ATP6V0A1: variants seen among roughly 807,000 people sequenced by gnomAD.
ATP6V0A1 encodes the protein V-type proton ATPase 116 kDa subunit a 1.
ATP6V0A1 carries 43 observed loss-of-function variants against 105.4 expected under a neutral mutation model. The ratio of observed to expected loss-of-function variants is 0.41; its 90% CI spans 0.32 to 0.53. The LOEUF is 0.53. Among genes scored for constraint, ATP6V0A1 ranks in the 20% least tolerant of loss-of-function variants. The probability of loss-of-function intolerance (pLI) is 0.30; values close to 1 mark genes in which losing one functional copy is unlikely to be tolerated. For missense variants in ATP6V0A1, 676 were observed against 1,051.1 expected, an observed-to-expected ratio of 0.64 and a Z score of 4.93; for synonymous variants, 362 against 372.8, an observed-to-expected ratio of 0.97 and a Z score of 0.33.
intron 1 of ATP6V0A1, chr17:42,460,262 G>C (rs1265986596): frequency 1.3e-5 from 2 of 152,224 alleles, no homozygotes; most frequent in African/African-American, 4.8e-5. Flanking sequence ...CCAGATGACG[G>C]TTATTTGTTT....
At chr17:42,495,746 C>T in intron 14 of ATP6V0A1, 30 bp downstream of exon 14, 1 of 1,560,564 alleles carries the variant, frequency 6.4e-7, no homozygotes, top group Non-Finnish European at 8.8e-7. Context: ...ATATGCTAAC[C>T]TCAAATTTTT....
intron 8 of ATP6V0A1, among the ~76,000 whole-genome samples, chr17:42,481,884 C>G (rs2089553087): frequency 6.6e-6 from 1 of 152,176 alleles, no homozygotes. Flanking sequence ...CGCTGCCACC[C>G]AGGCTGGAGT....
At chr17:42,519,927 G>A (rs949433423) in intron 21 of ATP6V0A1, 7 of 156,282 alleles carry the variant, frequency 4.5e-5, no homozygotes, top group Non-Finnish European at 9.9e-5. Flanking sequence ...AGTGCCACTG[G>A]CAAACAGTCT....
intron 17 of ATP6V0A1, chr17:42,502,966 T>C (rs2091793102): frequency 6.6e-6 from 1 of 152,358 alleles, no homozygotes; most frequent in Admixed American, 6.5e-5. Flanking sequence ...GCATGGGACA[T>C]GTGTACTTTT....
chr17:42,459,244 G>A (rs889910873), intron 1 of ATP6V0A1: 1 of 152,332 alleles, frequency 6.6e-6, no homozygotes, highest in Non-Finnish European at 1.5e-5. Flanking sequence ...TTCTTAAAGG[G>A]TTTCTCAGTT....
chr17:42,489,356 C>T (rs553389617), intron 10 of ATP6V0A1, among the ~76,000 whole-genome samples: 1 of 152,194 alleles, frequency 6.6e-6, no homozygotes, highest in South Asian at 2.1e-4. Flanking sequence ...GCAGGGATTA[C>T]AGGCATGAGC....
intron 11 of ATP6V0A1, 143 bp downstream of exon 11, chr17:42,490,780 C>G: frequency 1.1e-6 from 1 of 881,050 alleles, no homozygotes; most frequent in Non-Finnish European, 1.7e-6. Context: ...CCTCAAACTC[C>G]TGGCCTCAAG....
chr17:42,475,629 C>T (rs1447017448), intron 5 of ATP6V0A1, among the ~76,000 whole-genome samples: 2 of 152,112 alleles, frequency 1.3e-5, no homozygotes, highest in Non-Finnish European at 1.5e-5. Flanking sequence ...ATCAGACACC[C>T]CTGCTCTAAG....
chr17:42,478,149 G>A (rs2145820480), intron 6 of ATP6V0A1, among the ~76,000 whole-genome samples: 1 of 138,616 alleles, frequency 7.2e-6, no homozygotes, highest in South Asian at 2.2e-4. Context: ...CTCATAGGTG[G>A]AAATTGAACA....
intron 11 of ATP6V0A1, among the ~76,000 whole-genome samples, chr17:42,491,691 C>T (rs1292079938): frequency 6.6e-6 from 1 of 152,196 alleles, no homozygotes; most frequent in Non-Finnish European, 1.5e-5. Context: ...CCATGTTGCC[C>T]AGGCTGATCT....
chr17:42,481,486 T>C (rs1237546755), intron 8 of ATP6V0A1: 1 of 152,150 alleles, frequency 6.6e-6, no homozygotes, highest in Non-Finnish European at 1.5e-5. Context: ...CCTCCCAAAA[T>C]GCTGAGATTA....
At chr17:42,506,452 A>G (rs2092030054) in intron 17 of ATP6V0A1, among the ~76,000 whole-genome samples, 1 of 152,212 alleles carries the variant, frequency 6.6e-6, no homozygotes, top group African/African-American at 2.4e-5. Context: ...GTGGCAAAAA[A>G]TGGCACACCA....
At chr17:42,464,238 TG>T (rs1159950918) in intron 2 of ATP6V0A1, among the ~76,000 whole-genome samples, 1 of 152,168 alleles carries the variant, frequency 6.6e-6, no homozygotes, top group Non-Finnish European at 1.5e-5. Context: ...TTGTAATAAT[TG>T]GTTTGTGTCC....
chr17:42,502,234 G>A (rs1021901967), intron 17 of ATP6V0A1, among the ~76,000 whole-genome samples: 5 of 152,172 alleles, frequency 3.3e-5, no homozygotes, highest in African/African-American at 9.7e-5. Flanking sequence ...GTAGGCCTAT[G>A]CCTGTCTAGA....
At chr17:42,467,649 T>C (rs557283098) in intron 3 of ATP6V0A1, among the ~76,000 whole-genome samples, 1 of 152,314 alleles carries the variant, frequency 6.6e-6, no homozygotes, top group East Asian at 1.9e-4. Flanking sequence ...TCTTCATAAC[T>C]CTGCTTTGCC....
In ATP6V0A1 at chr17:42,504,299, T is replaced by C. The variant is rs112561906; in HGVS notation, c.2004+2995T>C. ...AGTTTAATTTTTCTTTTCTTTTTTC[T>C]GCTGACATGTGTCTCTCATCCCCCT... On this transcript the variant is annotated intron_variant, in intron 17 of 21. Transcript: ENST00000343619. Among the ~76,000 whole-genome samples the C allele has an allele frequency of 3.1e-3, 474 of 152,358 alleles. 2 individuals carry two copies. Among genetic ancestry groups the C allele is most frequent in the Non-Finnish European group, 4.6e-3 (315 of 68,034 alleles).
intron 14 of ATP6V0A1, among the ~76,000 whole-genome samples, chr17:42,496,917 C>T (rs1271640551): frequency 2.0e-5 from 3 of 152,098 alleles, no homozygotes; most frequent in African/African-American, 4.8e-5. Context: ...GATAAACAAC[C>T]CAATTTCTTC....
chr17:42,460,452 C>T (rs2086273511), intron 1 of ATP6V0A1: 1 of 160,970 alleles, frequency 6.2e-6, no homozygotes, highest in Non-Finnish European at 1.4e-5. Context: ...AAGGCCTCTT[C>T]TGTTTGTTTC....
intron 2 of ATP6V0A1, among the ~76,000 whole-genome samples, chr17:42,461,546 G>A (rs1416365396): frequency 1.3e-5 from 2 of 152,140 alleles, no homozygotes; most frequent in Admixed American, 6.6e-5. Context: ...AGGCTGAGGC[G>A]GGCGGATCGG....
Sources: gnomAD v4.1 joint callset for allele counts (sites outside exome capture counted in the v4.1 genomes callset) on GRCh38, gnomAD v4.1.1 for gene constraint, MANE v1.5 for transcripts, NCBI Gene and HGNC (gene_info 2026-07-23, HGNC 2026-07-21) for gene names.